PRDM5: variants seen among roughly 807,000 people sequenced by gnomAD.
PRDM5 encodes PR/SET domain 5, also known as PR domain zinc finger protein 5.
PRDM5 carries 56 observed loss-of-function variants against 81.2 expected under a neutral mutation model. The ratio of observed to expected loss-of-function variants is 0.69; its 90% CI spans 0.56 to 0.86. The LOEUF (loss-of-function observed/expected upper bound fraction) is 0.86, where lower values mean the gene tolerates loss of function less well. PRDM5 is among the 40% of genes least tolerant of loss of function. PRDM5 has a pLI of 0.00. For missense variants in PRDM5, 697 were observed against 770.1 expected, an observed-to-expected ratio of 0.91 and a Z score of 1.12; for synonymous variants, 267 against 256.4, an observed-to-expected ratio of 1.04 and a Z score of -0.39.
At chr4:120,751,425 G>T (rs957140427) in intron 14 of PRDM5, among the ~76,000 whole-genome samples, 4 of 150,490 alleles carry the variant, frequency 2.7e-5, no homozygotes, top group Non-Finnish European at 5.9e-5. Flanking sequence ...AAGAGCTCTG[G>T]AACAGTATCA....
chr4:120,769,712 T>A (rs1746960905), intron 13 of PRDM5, among the ~76,000 whole-genome samples: 1 of 152,176 alleles, frequency 6.6e-6, no homozygotes, highest in African/African-American at 2.4e-5. Flanking sequence ...GTGGGATTCC[T>A]TTTTCAAGGA....
chr4:120,894,151 C>T (rs974867771), intron 2 of PRDM5, among the ~76,000 whole-genome samples: 5 of 152,044 alleles, frequency 3.3e-5, no homozygotes, highest in African/African-American at 1.2e-4. Context: ...TCCTATTTTT[C>T]CCTTGTATTA....
At chr4:120,792,454 G>A (rs1282784301) in intron 10 of PRDM5, among the ~76,000 whole-genome samples, 3 of 152,246 alleles carry the variant, frequency 2.0e-5, no homozygotes, top group South Asian at 4.1e-4. Flanking sequence ...TGGAACCCCT[G>A]TATACTGTTG....
chr4:120,795,724 C>T (rs562611155), intron 10 of PRDM5, among the ~76,000 whole-genome samples: 1 of 152,166 alleles, frequency 6.6e-6, no homozygotes, highest in South Asian at 2.1e-4. Flanking sequence ...ACCAGCCTGG[C>T]CAATAGGGTG....
rs545227531 is a variant in PRDM5 at position 120,872,021 on chromosome 4, C to T, written c.178-18481G>A. Among the ~76,000 whole-genome samples the T allele has an allele frequency of 5.3e-5, 8 of 151,858 alleles. No individual in the cohort carries two copies. In the East Asian group the frequency reaches 1.6e-3, roughly 30 times the overall value. ...CAAAAATTAGCCAGGCGTGGTGGCA[C>T]ACGCCTGTAATCCCACCTACTCAGG... On this transcript the variant is annotated intron_variant, in intron 2 of 15. Coordinates refer to ENST00000264808, the MANE Select transcript of PRDM5 (RefSeq NM_018699.4).
chr4:120,744,783 G>T (rs1198866681), intron 14 of PRDM5, among the ~76,000 whole-genome samples: 2 of 150,776 alleles, frequency 1.3e-5, no homozygotes, highest in Admixed American at 6.6e-5. Context: ...ATTGTGGCAA[G>T]AATCAATAGC....
chr4:120,697,217 G>A (rs887418481), intron 15 of PRDM5, among the ~76,000 whole-genome samples: 1 of 152,132 alleles, frequency 6.6e-6, no homozygotes, highest in East Asian at 1.9e-4. Flanking sequence ...TATTTTAAGA[G>A]AGGGATTAGA....
At chr4:120,806,787 G>C (rs184194982) in intron 8 of PRDM5, among the ~76,000 whole-genome samples, 5 of 152,244 alleles carry the variant, frequency 3.3e-5, no homozygotes, top group Admixed American at 2.0e-4. Context: ...ACATAGGCAT[G>C]GGCAAGGACT....
chr4:120,823,690 A>G (rs569326511), intron 3 of PRDM5, among the ~76,000 whole-genome samples: 1 of 152,300 alleles, frequency 6.6e-6, no homozygotes, highest in East Asian at 1.9e-4. Context: ...GGCCTGCCAG[A>G]TCCCTAATTT....
At chr4:120,776,251 G>A (rs964380613) in intron 13 of PRDM5, among the ~76,000 whole-genome samples, 17 of 143,776 alleles carry the variant, frequency 1.2e-4, no homozygotes, top group African/African-American at 3.9e-4. Flanking sequence ...CTGACCATAT[G>A]TCTTTAAGTT....
intron 8 of PRDM5, among the ~76,000 whole-genome samples, chr4:120,807,730 G>C (rs1175944590): frequency 6.6e-6 from 1 of 152,142 alleles, no homozygotes; most frequent in Non-Finnish European, 1.5e-5. Context: ...GTTCGGATGT[G>C]TTTGGAGTTT....
At chr4:120,727,271 T>C (rs1578492421) in intron 14 of PRDM5, among the ~76,000 whole-genome samples, 3 of 151,660 alleles carry the variant, frequency 2.0e-5, no homozygotes, top group African/African-American at 4.8e-5. Flanking sequence ...AAGAGCAACC[T>C]ACAGCAGCAT....
Position 120,853,536 on chromosome 4 carries a change from C to T in PRDM5, c.182G>A (p.Arg61His), listed in dbSNP as rs777432357. 45 of 1,613,412 alleles carry T rather than the reference C, an allele frequency of 2.8e-5. No homozygotes were observed. Among genetic ancestry groups the T allele is most frequent in the Admixed American group, 2.3e-4 (14 of 59,978 alleles). The change falls in exon 3 of 16, where the codon CGT becomes CAT. Residue 61 changes from arginine to histidine, a missense_variant. Arg to His is a conservative substitution (Grantham distance 29, BLOSUM62 0). Transcript: ENST00000264808. ...NMDYRLMWEV[R>H]GSKGEVLYIL... ...GTACAAAACTTCTCCCTTACTCCCACGAACCTGAAACATTAAAGGCTCCTG... is the reference window on the plus strand; with the variant it reads ...GTACAAAACTTCTCCCTTACTCCCATGAACCTGAAACATTAAAGGCTCCTG...
intron 13 of PRDM5, among the ~76,000 whole-genome samples, chr4:120,764,602 G>C (rs994967528): frequency 2.6e-5 from 4 of 151,850 alleles, no homozygotes; most frequent in African/African-American, 9.7e-5. Context: ...AACAGTGGAA[G>C]AAAGGGTACA....
intron 11 of PRDM5, among the ~76,000 whole-genome samples, chr4:120,782,432 TGAAAGGAAGGAA>T (rs1335023160): frequency 1.3e-5 from 2 of 151,428 alleles, no homozygotes; most frequent in Non-Finnish European, 2.9e-5. Flanking sequence ...TTTCTTCACA[TGAAAGGAAGGAA>T]GAAAGGAAGG....
At chr4:120,762,217 A>C (rs1745723935) in intron 13 of PRDM5, among the ~76,000 whole-genome samples, 2 of 152,200 alleles carry the variant, frequency 1.3e-5, no homozygotes, top group South Asian at 4.1e-4. Context: ...AATAAAGTCA[A>C]ACTCATTTAT....
downstream of PRDM5, among the ~76,000 whole-genome samples, chr4:120,684,303 T>C (rs532596529): frequency 1.4e-4 from 22 of 152,046 alleles, no homozygotes; most frequent in African/African-American, 5.1e-4. Flanking sequence ...AGATGAGAAA[T>C]ATTTTAATTG....
intron 14 of PRDM5, among the ~76,000 whole-genome samples, chr4:120,718,425 TA>T (rs1446020606): frequency 6.6e-6 from 1 of 152,236 alleles, no homozygotes; most frequent in African/African-American, 2.4e-5. Context: ...TTTACTCTAT[TA>T]AAACTCACAA....
chr4:120,739,085 C>T (rs756275856), intron 14 of PRDM5, among the ~76,000 whole-genome samples: 3 of 152,148 alleles, frequency 2.0e-5, no homozygotes, highest in Non-Finnish European at 2.9e-5. Flanking sequence ...TGGCAGTACA[C>T]GTTAGCTATT....
Sources: allele counts gnomAD v4.1 joint callset (sites outside exome capture counted in the v4.1 genomes callset), GRCh38; gene constraint gnomAD v4.1.1; transcripts MANE v1.5; gene names NCBI Gene and HGNC (gene_info 2026-07-23, HGNC 2026-07-21).